SHROOM2: variants seen among roughly 807,000 people sequenced by gnomAD.
The protein encoded by SHROOM2 is protein Shroom2.
In SHROOM2, 33 loss-of-function variants were observed where a neutral mutation model predicts 75.9. That is an observed-to-expected ratio of 0.43 (90% CI 0.33 to 0.58). The LOEUF (loss-of-function observed/expected upper bound fraction) is 0.58. Among genes scored for constraint, SHROOM2 ranks in the 20% least tolerant of loss-of-function variants. SHROOM2 has a pLI of 0.04. For synonymous variants in SHROOM2, 655 were observed against 663.6 expected, an observed-to-expected ratio of 0.99 and a Z score of 0.20; for missense variants, 1,434 against 1,461.2, an observed-to-expected ratio of 0.98 and a Z score of 0.30.
chrX:9,876,873 A>G (rs1409453170), intron 2 of SHROOM2, among the ~76,000 whole-genome samples: 1 of 112,260 alleles, frequency 8.9e-6, no homozygotes, highest in Non-Finnish European at 1.9e-5. Context: ...GTGCGATCAT[A>G]GCTCACTGCA....
At chrX:9,926,666 T>G (rs2147048386) in intron 5 of SHROOM2, among the ~76,000 whole-genome samples, 1 of 111,886 alleles carries the variant, frequency 8.9e-6, no homozygotes, top group Non-Finnish European at 1.9e-5. Flanking sequence ...AACTACAGAT[T>G]GTGCACATGG....
intron 1 of SHROOM2, among the ~76,000 whole-genome samples, chrX:9,810,196 C>T (rs1870904340): frequency 9.0e-6 from 1 of 111,047 alleles, no homozygotes; most frequent in African/African-American, 3.3e-5. Flanking sequence ...ATTCCCTTTG[C>T]CTTCAGCAAG....
intron 1 of SHROOM2, among the ~76,000 whole-genome samples, chrX:9,847,763 A>G (rs1228427202): frequency 9.0e-6 from 1 of 110,636 alleles, no homozygotes; most frequent in Non-Finnish European, 1.9e-5. Context: ...GCTTGTGCTG[A>G]GTTACATGTG....
At chrX:9,906,413 AG>A (rs1349821452) in intron 5 of SHROOM2, among the ~76,000 whole-genome samples, 1 of 112,292 alleles carries the variant, frequency 8.9e-6, no homozygotes, top group African/African-American at 3.2e-5. Flanking sequence ...GCTGTTTCAA[AG>A]GGCACATTTT....
chrX:9,786,811 C>G, intron 1 of SHROOM2, 101 bp downstream of exon 1: 1 of 618,195 alleles, frequency 1.6e-6, no homozygotes, highest in Non-Finnish European at 2.0e-6. Context: ...CTCGCGCCCC[C>G]GGGTCTGGCG....
chrX:9,859,807 T>C (rs1440326214), intron 1 of SHROOM2, among the ~76,000 whole-genome samples: 3 of 111,371 alleles, frequency 2.7e-5, no homozygotes, highest in African/African-American at 9.8e-5. Context: ...CTTGATTAAA[T>C]GCAGTGCCTC....
intron 1 of SHROOM2, among the ~76,000 whole-genome samples, chrX:9,816,989 A>G (rs539122515): frequency 2.7e-5 from 3 of 110,563 alleles, no homozygotes; most frequent in South Asian, 7.7e-4. Context: ...CTTTTTTTTA[A>G]GAGACGTTGT....
chrX:9,835,207 G>A (rs2083937472), intron 1 of SHROOM2, among the ~76,000 whole-genome samples: 2 of 112,798 alleles, frequency 1.8e-5, no homozygotes, highest in Admixed American at 1.9e-4. Flanking sequence ...GCAGGGCAGA[G>A]AACCTGTGCT....
chrX:9,906,175 TA>T (rs984271719), intron 5 of SHROOM2, among the ~76,000 whole-genome samples: 39 of 110,704 alleles, frequency 3.5e-4, no homozygotes, highest in Admixed American at 7.7e-4. Context: ...AGCAGTCTAA[TA>T]AAAAAAAATA....
intron 1 of SHROOM2, among the ~76,000 whole-genome samples, chrX:9,863,449 C>T (rs1004091823): frequency 1.8e-5 from 2 of 110,883 alleles, no homozygotes; most frequent in Admixed American, 9.7e-5. Context: ...CTCATCCTCG[C>T]GCCTCTCCTT....
At chrX:9,935,478 C>T (rs1016553430) in intron 6 of SHROOM2, among the ~76,000 whole-genome samples, 2 of 111,178 alleles carry the variant, frequency 1.8e-5, no homozygotes, top group Non-Finnish European at 3.8e-5. Flanking sequence ...CTGTGCCTAG[C>T]CAGGGTTTTC....
rs1171557053 is a variant in SHROOM2 at position 9,949,064 on chromosome X, C to A, written c.*2127C>A. ...CTTTCTCTTCTACACAGCAATACGT[C>A]GTGCTCGAGTATCCTTGTAGCAAAG... On this transcript the variant is annotated 3_prime_UTR_variant, in exon 10 of 10. Transcript: ENST00000380913. 1 of 209,535 alleles carries A rather than the reference C, an allele frequency of 4.8e-6. No individual in the cohort carries two copies. Among genetic ancestry groups the A allele is most frequent in the Non-Finnish European group, 9.1e-6 (1 of 109,735 alleles). 17.3% of individuals were successfully genotyped at this position (209,535 alleles called of 1,213,427 possible). A position where few individuals can be genotyped will look rare whatever the true frequency, so the allele number is the denominator to read the frequency against.
chrX:9,838,148 T>C (rs1361895539), intron 1 of SHROOM2, among the ~76,000 whole-genome samples: 2 of 102,587 alleles, frequency 1.9e-5, no homozygotes, highest in Admixed American at 1.1e-4. Flanking sequence ...GCAAGCTCCG[T>C]CTCCCGGGTT....
chrX:9,795,497 G>A, intron 1 of SHROOM2, among the ~76,000 whole-genome samples: 2 of 111,624 alleles, frequency 1.8e-5, no homozygotes, highest in Middle Eastern at 4.6e-3. Flanking sequence ...TATTAAACTG[G>A]TCTCTAAAAA....
intron 1 of SHROOM2, among the ~76,000 whole-genome samples, chrX:9,788,589 G>T (rs1022167108): frequency 9.0e-5 from 10 of 111,471 alleles, no homozygotes; most frequent in African/African-American, 3.3e-4. Context: ...GTCACAAACT[G>T]TTGAGTCCTG....
intron 1 of SHROOM2, among the ~76,000 whole-genome samples, chrX:9,850,700 T>G (rs929949027): frequency 1.2e-4 from 13 of 110,263 alleles, no homozygotes; most frequent in Middle Eastern, 4.3e-3. Flanking sequence ...ATTAGCCAGG[T>G]GCGGTGGCAC....
intron 1 of SHROOM2, among the ~76,000 whole-genome samples, chrX:9,829,956 A>ATTTTT (rs2083907171): frequency 9.3e-6 from 1 of 107,123 alleles, no homozygotes; most frequent in Non-Finnish European, 1.9e-5. Context: ...TTTTATTTTT[A>ATTTTT]TTTTTATTTT....
intron 1 of SHROOM2, among the ~76,000 whole-genome samples, chrX:9,813,164 A>C (rs952892891): frequency 3.6e-5 from 4 of 111,673 alleles, no homozygotes; most frequent in African/African-American, 1.3e-4. Context: ...AGGCAGCTCT[A>C]ATGGCTTCCA....
chrX:9,787,047 C>T (rs1467556103), intron 1 of SHROOM2, among the ~76,000 whole-genome samples: 1 of 111,793 alleles, frequency 8.9e-6, no homozygotes, highest in Non-Finnish European at 1.9e-5. Flanking sequence ...AGCGAAGGAA[C>T]GTGTCCCCGA....
Sources: allele counts gnomAD v4.1 joint callset (sites outside exome capture counted in the v4.1 genomes callset), GRCh38; gene constraint gnomAD v4.1.1; transcripts MANE v1.5; gene names NCBI Gene and HGNC (gene_info 2026-07-23, HGNC 2026-07-21).